CFAP77: variants seen among roughly 807,000 people sequenced by gnomAD.
The protein encoded by CFAP77 is cilia- and flagella-associated protein 77.
In CFAP77, 25 loss-of-function variants were observed where a neutral mutation model predicts 31.1. The ratio of observed to expected loss-of-function variants is 0.80; its 90% CI spans 0.59 to 1.12. The LOEUF (loss-of-function observed/expected upper bound fraction) is 1.12, where lower values mean the gene tolerates loss of function less well. CFAP77 is among the 50% of genes most tolerant of loss of function. CFAP77 has a pLI of 0.00. For missense variants in CFAP77, 377 were observed against 397.3 expected, an observed-to-expected ratio of 0.95 and a Z score of 0.44; for synonymous variants, 151 against 159.9, an observed-to-expected ratio of 0.94 and a Z score of 0.42.
chr9:132,475,854 G>C (rs1851339426), intron 1 of CFAP77, among the ~76,000 whole-genome samples: 1 of 152,178 alleles, frequency 6.6e-6, no homozygotes, highest in African/African-American at 2.4e-5. Flanking sequence ...CCAAACTGCA[G>C]TACTGATCCT....
intron 5 of CFAP77, among the ~76,000 whole-genome samples, chr9:132,557,048 A>G (rs1332478500): frequency 6.6e-6 from 1 of 152,184 alleles, no homozygotes; most frequent in Non-Finnish European, 1.5e-5. Context: ...TGTTGACCTT[A>G]TAAAAGATTT....
intron 1 of CFAP77, among the ~76,000 whole-genome samples, chr9:132,421,294 G>A (rs920795685): frequency 2.6e-5 from 4 of 151,948 alleles, no homozygotes; most frequent in East Asian, 1.9e-4. Context: ...GCCCGGCCTT[G>A]GGCTGAGTCT....
chr9:132,463,078 A>G (rs962936987), intron 1 of CFAP77, among the ~76,000 whole-genome samples: 52 of 152,150 alleles, frequency 3.4e-4, no homozygotes, highest in African/African-American at 1.2e-3. Context: ...GAGCATACAG[A>G]AGAAGTATAT....
chr9:132,424,156 G>A lies in CFAP77; in HGVS notation c.195+13690G>A, dbSNP rs1316676791. ...GGTGTGGTGGCTCACGCCTGTAATC[G>A]CAGCACTTTGGGAGGCAGAGGCAGG... is the stretch of plus-strand genomic sequence containing the variant. On this transcript the variant is annotated intron_variant, in intron 1 of 5. Transcript: ENST00000393216. This position sits in a 1 kb window ranked among gnomAD's most constrained non-coding sequence, Gnocchi z 4.1. Among the ~76,000 whole-genome samples, 32 of 152,108 alleles carry A rather than the reference G, an allele frequency of 2.1e-4. 1 individual carries two copies. The highest frequency in any genetic ancestry group is 7.4e-5 in the Non-Finnish European group (5 of 68,014).
intron 3 of CFAP77, among the ~76,000 whole-genome samples, chr9:132,519,520 GTAGA>G (rs1564238084): frequency 7.8e-3 from 504 of 64,804 alleles, no homozygotes; most frequent in Non-Finnish European, 9.4e-3. Context: ...GGGTGGGTGG[GTAGA>G]TGGATGGATG....
At chr9:132,436,786 A>G (rs758171332) in intron 1 of CFAP77, among the ~76,000 whole-genome samples, 6 of 152,184 alleles carry the variant, frequency 3.9e-5, no homozygotes, top group Non-Finnish European at 7.3e-5. Flanking sequence ...AATGCCCATG[A>G]TAGGTTGATG....
chr9:132,414,472 A>G (rs1850062544), intron 1 of CFAP77, among the ~76,000 whole-genome samples: 1 of 150,636 alleles, frequency 6.6e-6, no homozygotes, highest in African/African-American at 2.4e-5. Context: ...GCTGTAAGGA[A>G]AGCTCTTGGG....
At chr9:132,442,708 A>G (rs561668669) in intron 1 of CFAP77, among the ~76,000 whole-genome samples, 3 of 149,654 alleles carry the variant, frequency 2.0e-5, no homozygotes, top group African/African-American at 7.4e-5. Context: ...ATTTTTATAT[A>G]TGTACTTATT....
intron 1 of CFAP77, among the ~76,000 whole-genome samples, chr9:132,448,645 G>T (rs1850768263): frequency 6.6e-6 from 1 of 152,138 alleles, no homozygotes; most frequent in African/African-American, 2.4e-5. Flanking sequence ...GGAGTGCAAT[G>T]GTGCAATCTC....
At position 132,495,570 on chromosome 9, in the gene CFAP77, A is replaced by G. The variant is rs963461072; in HGVS notation, c.196-3125A>G. 1.3e-5 allele frequency among the ~76,000 whole-genome samples: 2 copies of G among 152,058 alleles called. No homozygotes were observed. Among genetic ancestry groups the G allele is most frequent in the African/African-American group, 4.8e-5 (2 of 41,396 alleles). ...CCCGCCTGAAACTCAGAGCCCCATC[A>G]CTCTTGAGGAACATTGGGGTCTGGG... On this transcript the variant is annotated intron_variant, in intron 1 of 5. Coordinates refer to ENST00000393216, the MANE Select transcript of CFAP77 (RefSeq NM_001282957.2). The surrounding 1 kb of genome is among the most constrained non-coding windows in gnomAD (Gnocchi z 4.2).
At chr9:132,447,469 T>C (rs929302659) in intron 1 of CFAP77, among the ~76,000 whole-genome samples, 1 of 152,230 alleles carries the variant, frequency 6.6e-6, no homozygotes, top group Non-Finnish European at 1.5e-5. Flanking sequence ...CTGCCCTGAC[T>C]AGGCTGCCTG....
intron 1 of CFAP77, among the ~76,000 whole-genome samples, chr9:132,479,436 G>A (rs913271732): frequency 4.6e-5 from 7 of 152,214 alleles, no homozygotes. Context: ...CAGCTGGGTG[G>A]GTGCATGGGG....
intron 1 of CFAP77, among the ~76,000 whole-genome samples, chr9:132,473,216 C>T (rs2131737672): frequency 6.6e-6 from 1 of 152,272 alleles, no homozygotes; most frequent in African/African-American, 2.4e-5. Context: ...GAGGGATCTG[C>T]CTCCCACCCA....
chr9:132,547,661 G>A (rs1852755620), intron 5 of CFAP77, among the ~76,000 whole-genome samples: 1 of 152,212 alleles, frequency 6.6e-6, no homozygotes, highest in Non-Finnish European at 1.5e-5. Flanking sequence ...CCTGGGCCGG[G>A]AAGTCTGGAG....
In CFAP77 at chr9:132,572,384, A is replaced by C; in HGVS notation, c.733-4A>C. The C allele has an allele frequency of 1.2e-6, 2 of 1,613,096 alleles. No individual in the cohort carries two copies. Among genetic ancestry groups the C allele is most frequent in the Non-Finnish European group, 1.7e-6 (2 of 1,179,682 alleles). On this transcript the variant is annotated splice_polypyrimidine_tract_variant and splice_region_variant and intron_variant, in intron 5 of 5. Transcript: ENST00000393216. The stretch of plus-strand genomic sequence containing the variant: ...ACCCACCCACTCTTCCCTTCTATCC[A>C]CAGGTGGGCCGCCACCTTGATACGT...
At chr9:132,427,488 C>T (rs1850336713) in intron 1 of CFAP77, among the ~76,000 whole-genome samples, 3 of 152,158 alleles carry the variant, frequency 2.0e-5, no homozygotes, top group South Asian at 2.1e-4. Context: ...TGGCTGGGTA[C>T]GGTGTAATCC....
chr9:132,415,153 G>A (rs944876916), intron 1 of CFAP77, among the ~76,000 whole-genome samples: 2 of 152,138 alleles, frequency 1.3e-5, no homozygotes, highest in Admixed American at 6.5e-5. Flanking sequence ...CCTTAGGAAG[G>A]GATTTAAAAA....
chr9:132,520,343 T>A (rs540006358), intron 3 of CFAP77, among the ~76,000 whole-genome samples: 1 of 152,132 alleles, frequency 6.6e-6, no homozygotes, highest in East Asian at 1.9e-4. Flanking sequence ...GGGTATCCAA[T>A]GAAGATATAG....
intron 5 of CFAP77, among the ~76,000 whole-genome samples, chr9:132,553,294 T>C (rs1376221789): frequency 1.3e-5 from 2 of 151,882 alleles, no homozygotes; most frequent in South Asian, 2.1e-4. Context: ...ACACTGGGGG[T>C]CAGGGATTCA....
Sources: allele counts gnomAD v4.1 joint callset (sites outside exome capture counted in the v4.1 genomes callset), GRCh38; gene constraint gnomAD v4.1.1; non-coding constraint Gnocchi (gnomAD v3.1); transcripts MANE v1.5; gene names NCBI Gene and HGNC (gene_info 2026-07-23, HGNC 2026-07-21).